Variants in STX8 observed in about 807,000 individuals in gnomAD.
STX8 encodes syntaxin 8.
STX8 carries 23 observed loss-of-function variants against 37.5 expected under a neutral mutation model. The ratio of observed to expected loss-of-function variants is 0.61; its 90% CI spans 0.44 to 0.87. The LOEUF (loss-of-function observed/expected upper bound fraction) is 0.87. Ranked by LOEUF, STX8 falls within the 40% of genes least tolerant of loss-of-function variation. The pLI is 0.00. For synonymous variants in STX8, 115 were observed against 99.1 expected (o/e 1.16, Z -0.95); for missense variants, 313 against 284.7 (o/e 1.10, Z -0.71).
In STX8 at chr17:9,250,597, G is replaced by A; in HGVS notation, c.692C>T (p.Ala231Val). The stretch of plus-strand genomic sequence containing the variant: ...CTGCCATCAGTTGGTCGGCCAGACT[G>A]CAACAACCACGATAGCCACAAGCAG... ...LLLLVAIVVV[A>V]VWPTN Residue 231 changes from alanine to valine, a missense_variant, in exon 8 of 8, where the codon GCA becomes GTA. Ala to Val is a moderately conservative substitution (Grantham distance 64). Coordinates refer to ENST00000306357, the MANE Select transcript of STX8 (RefSeq NM_004853.3). 6.3e-7 allele frequency: 1 copy of A among 1,597,978 alleles called. No individual in the cohort carries two copies.
At chr17:9,276,565 T>G (rs1008046938) in intron 7 of STX8, among the ~76,000 whole-genome samples, 1 of 152,204 alleles carries the variant, frequency 6.6e-6, no homozygotes, top group Non-Finnish European at 1.5e-5. Flanking sequence ...TGTTGAGATA[T>G]CTAAGACATC....
intron 6 of STX8, among the ~76,000 whole-genome samples, chr17:9,398,469 A>G (rs6503196): frequency 0.24 from 35,912 of 152,150 alleles, 4,567 homozygotes; most frequent in African/African-American, 0.32. Context: ...AGCTCAGAGG[A>G]AACTAAGGAG....
At chr17:9,533,896 T>C (rs1490760264) in intron 4 of STX8, among the ~76,000 whole-genome samples, 1 of 152,134 alleles carries the variant, frequency 6.6e-6, no homozygotes, top group Non-Finnish European at 1.5e-5. Flanking sequence ...CATAACCTCA[T>C]CCTCATTTTC....
At chr17:9,340,981 T>C (rs1369300977) in intron 7 of STX8, among the ~76,000 whole-genome samples, 1 of 147,004 alleles carries the variant, frequency 6.8e-6, no homozygotes, top group African/African-American at 2.5e-5. Context: ...ATTGTAAAAT[T>C]TAAATTATAA....
intron 1 of STX8, 72 bp downstream of exon 1, chr17:9,575,720 A>T: frequency 6.5e-7 from 1 of 1,532,720 alleles, no homozygotes; most frequent in Non-Finnish European, 8.8e-7. Context: ...ATGCGAAGTG[A>T]TTGCCTGCTC....
At chr17:9,272,470 A>C (rs1907499694) in intron 7 of STX8, among the ~76,000 whole-genome samples, 1 of 152,214 alleles carries the variant, frequency 6.6e-6, no homozygotes, top group African/African-American at 2.4e-5. Context: ...GATAACATTT[A>C]TATTTCTAGA....
chr17:9,454,553 G>A (rs908483960), intron 6 of STX8, among the ~76,000 whole-genome samples: 7 of 151,854 alleles, frequency 4.6e-5, no homozygotes, highest in Non-Finnish European at 1.0e-4. Context: ...GGTGGCAGGC[G>A]CCTATAGTCC....
chr17:9,387,137 T>C (rs1268276356), intron 6 of STX8, among the ~76,000 whole-genome samples: 2 of 152,180 alleles, frequency 1.3e-5, no homozygotes, highest in African/African-American at 4.8e-5. Context: ...TAGCAAACGC[T>C]CAAAGGAAGT....
At chr17:9,437,166 A>G (rs1213468835) in intron 6 of STX8, among the ~76,000 whole-genome samples, 2 of 152,356 alleles carry the variant, frequency 1.3e-5, no homozygotes, top group Middle Eastern at 3.4e-3. Context: ...TTTTAAAAGT[A>G]TTCATCAATA....
At chr17:9,402,016 G>A (rs936165696) in intron 6 of STX8, among the ~76,000 whole-genome samples, 1 of 152,112 alleles carries the variant, frequency 6.6e-6, no homozygotes, top group Admixed American at 6.6e-5. Context: ...GGGATTTACA[G>A]GCAGGTCTCT....
chr17:9,252,843 T>C (rs1201472555), intron 7 of STX8, among the ~76,000 whole-genome samples: 1 of 152,202 alleles, frequency 6.6e-6, no homozygotes, highest in Non-Finnish European at 1.5e-5. Flanking sequence ...GGGCCAAATC[T>C]AGCTGTGCTC....
intron 4 of STX8, among the ~76,000 whole-genome samples, chr17:9,522,563 A>T (rs1905394190): frequency 1.7e-5 from 2 of 118,380 alleles, no homozygotes; most frequent in African/African-American, 3.0e-5. Flanking sequence ...AAAAAAAAAA[A>T]TTATCTGGGC....
At chr17:9,469,065 T>C (rs924377410) in intron 6 of STX8, 1 of 152,156 alleles carries the variant, frequency 6.6e-6, no homozygotes, top group Admixed American at 6.6e-5. Context: ...GTTAGAAAAA[T>C]TGCTTTCATT....
At chr17:9,546,598 T>TTTTG (rs1906534308) in intron 3 of STX8, among the ~76,000 whole-genome samples, 1 of 124,208 alleles carries the variant, frequency 8.1e-6, no homozygotes, top group Non-Finnish European at 1.7e-5. Flanking sequence ...GTGGTTTTTT[T>TTTTG]TTTTTTTTTT....
intron 7 of STX8, among the ~76,000 whole-genome samples, chr17:9,330,278 T>C (rs1396704556): frequency 2.0e-5 from 3 of 152,182 alleles, no homozygotes; most frequent in Admixed American, 6.5e-5. Flanking sequence ...AGCAACTTTG[T>C]TCTAAATAGG....
intron 6 of STX8, among the ~76,000 whole-genome samples, chr17:9,411,361 A>AAAGT: frequency 6.6e-6 from 1 of 152,340 alleles, no homozygotes; most frequent in Non-Finnish European, 1.5e-5. Context: ...AGCACCTTGC[A>AAAGT]AAGTGTCTTA....
intron 7 of STX8, among the ~76,000 whole-genome samples, chr17:9,350,391 C>T (rs185648506): frequency 4.3e-4 from 65 of 152,330 alleles, no homozygotes; most frequent in Non-Finnish European, 7.5e-4. Context: ...GAAAGCAAGA[C>T]CAAGGGGGAA....
At chr17:9,464,528 G>A (rs1052860527) in intron 6 of STX8, among the ~76,000 whole-genome samples, 3 of 152,126 alleles carry the variant, frequency 2.0e-5, no homozygotes, top group African/African-American at 4.8e-5. Flanking sequence ...CCATGATCAC[G>A]GGTCTCTAGT....
At chr17:9,373,661 T>C (rs1340917882) in intron 7 of STX8, among the ~76,000 whole-genome samples, 3 of 152,152 alleles carry the variant, frequency 2.0e-5, no homozygotes, top group Non-Finnish European at 2.9e-5. Flanking sequence ...AAAAAGTGGC[T>C]GGGCGCAGTG....
Sources: gnomAD v4.1 joint callset for allele counts (sites outside exome capture counted in the v4.1 genomes callset) on GRCh38, gnomAD v4.1.1 for gene constraint, MANE v1.5 for transcripts, NCBI Gene and HGNC (gene_info 2026-07-23, HGNC 2026-07-21) for gene names.